HIRA: variants seen among roughly 807,000 people sequenced by gnomAD.
The protein encoded by HIRA is histone cell cycle regulator, also known as protein HIRA.
A neutral mutation model predicts 126.6 loss-of-function variants in HIRA; 13 were observed. The ratio of observed to expected loss-of-function variants is 0.10; its 90% CI spans 0.07 to 0.16. The LOEUF (loss-of-function observed/expected upper bound fraction) is 0.16, where lower values mean the gene tolerates loss of function less well. Among genes scored for constraint, HIRA ranks in the 10% least tolerant of loss-of-function variants. HIRA has a pLI of 1.00. For missense variants in HIRA, 834 were observed against 1,314.4 expected (o/e 0.63, Z 5.65); for synonymous variants, 511 against 520.0 (o/e 0.98, Z 0.24).
At chr22:19,425,964 C>A (rs1235087727) in intron 1 of HIRA, among the ~76,000 whole-genome samples, 1 of 152,082 alleles carries the variant, frequency 6.6e-6, no homozygotes, top group Non-Finnish European at 1.5e-5. Flanking sequence ...TGAGCTGAGA[C>A]CATGCCACTG....
intron 1 of HIRA, among the ~76,000 whole-genome samples, chr22:19,429,319 G>A (rs1403490227): frequency 1.3e-5 from 2 of 151,874 alleles, no homozygotes; most frequent in Non-Finnish European, 2.9e-5. Flanking sequence ...TGTATTTTTA[G>A]TAGAGACGGG....
chr22:19,371,480 A>C (rs1317754904), intron 15 of HIRA, among the ~76,000 whole-genome samples: 1 of 151,860 alleles, frequency 6.6e-6, no homozygotes, highest in Non-Finnish European at 1.5e-5. Context: ...TTTTATTGAG[A>C]TATATATATC....
chr22:19,332,224 A>C (rs1028047434), intron 24 of HIRA, among the ~76,000 whole-genome samples: 54 of 152,202 alleles, frequency 3.5e-4, no homozygotes, highest in African/African-American at 1.3e-3. Flanking sequence ...GACAACTTTA[A>C]CACTGGACGA....
intron 5 of HIRA, 76 bp from the exon 6 acceptor site, chr22:19,398,163 T>A: frequency 3.0e-6 from 3 of 1,006,498 alleles, no homozygotes; most frequent in Non-Finnish European, 4.6e-6. Context: ...CCAGTGCCCC[T>A]GGGACCTGGG....
At chr22:19,338,807 A>G (rs779411932) in intron 24 of HIRA, among the ~76,000 whole-genome samples, 4 of 152,226 alleles carry the variant, frequency 2.6e-5, no homozygotes, top group Non-Finnish European at 4.4e-5. Flanking sequence ...GGGAGCTCCC[A>G]AATTTATAAA....
rs559667688 is a variant in HIRA, at chr22:19,337,150, G to A, written c.2938-5594C>T. Among the ~76,000 whole-genome samples the A allele has an allele frequency of 3.7e-4, 56 of 151,884 alleles. 1 individual carries two copies. In the South Asian group the frequency reaches 0.011, roughly 31 times the overall value. On this transcript the variant is annotated intron_variant, in intron 24 of 24. Transcript: ENST00000263208. ...CTCGCTCTGTTGTCCAGGCTGGAGT[G>A]CAGTGGCGTGATCTCTGAATTGCCA... is the stretch of plus-strand genomic sequence containing the variant.
intron 24 of HIRA, among the ~76,000 whole-genome samples, chr22:19,345,132 G>A (rs1267556425): frequency 1.3e-5 from 2 of 152,160 alleles, no homozygotes; most frequent in Non-Finnish European, 2.9e-5. Context: ...GTCCTAGACA[G>A]ATCAATTAGG....
chr22:19,405,199 C>T (rs990076960), intron 5 of HIRA, among the ~76,000 whole-genome samples: 4 of 152,174 alleles, frequency 2.6e-5, no homozygotes, highest in Non-Finnish European at 4.4e-5. Flanking sequence ...CTGTACCACC[C>T]TGCCTGGAAA....
rs1001143381 is a variant in HIRA, at chr22:19,353,989, C to T, written c.2684+7G>A. The T allele has an allele frequency of 3.1e-6, 5 of 1,612,652 alleles. No individual in the cohort carries two copies. Among genetic ancestry groups the T allele is most frequent in the Non-Finnish European group, 4.2e-6 (5 of 1,179,520 alleles). ...AGGACAGTGGCCATGGCATTCAGGT[C>T]ACGTACTTGGAGGTGCGGCCCTGGA... On this transcript the variant is annotated splice_region_variant and intron_variant, in intron 22 of 24. Coordinates refer to ENST00000263208, the MANE Select transcript of HIRA (RefSeq NM_003325.4).
At chr22:19,405,739 A>C in intron 5 of HIRA, 47 bp downstream of exon 5, 1 of 1,294,028 alleles carries the variant, frequency 7.7e-7, no homozygotes, top group Non-Finnish European at 1.0e-6. Context: ...TGCTGATCTG[A>C]GCCAGGTGTC....
intron 1 of HIRA, among the ~76,000 whole-genome samples, chr22:19,424,515 A>ACAAGCTC (rs1216998543): frequency 5.9e-5 from 9 of 152,240 alleles, no homozygotes; most frequent in African/African-American, 2.2e-4. Context: ...CAGTCAGAGG[A>ACAAGCTC]CAAGCTCCAG....
chr22:19,412,247 T>C (rs1282882679), intron 1 of HIRA, among the ~76,000 whole-genome samples: 2 of 152,078 alleles, frequency 1.3e-5, no homozygotes, highest in Non-Finnish European at 2.9e-5. Flanking sequence ...ATGTAGAGCA[T>C]CAAAGAGCCC....
rs189706544 is a variant in HIRA, at chr22:19,364,460, G to A, written c.1776-2529C>T. 1.6e-4 allele frequency among the ~76,000 whole-genome samples: 24 copies of A among 152,166 alleles called. No homozygotes were observed. The East Asian group carries it at 4.4e-3, about 28-fold the overall frequency. On this transcript the variant is annotated intron_variant, in intron 15 of 24. Coordinates refer to ENST00000263208, the MANE Select transcript of HIRA (RefSeq NM_003325.4). ...CCCTGCATCAAGCAAGTCTATTGGCGCCATTTCCCCAACAGCAGGTGCTCA... is the reference window on the plus strand; with the variant it reads ...CCCTGCATCAAGCAAGTCTATTGGCACCATTTCCCCAACAGCAGGTGCTCA...
Position 19,407,307 on chromosome 22 carries a change from C to G in HIRA, c.212-33G>C, listed in dbSNP as rs200620005. 2,244 of 1,542,014 alleles carry G rather than the reference C, an allele frequency of 1.5e-3. 2 individuals are homozygous for G. Among genetic ancestry groups the G allele is most frequent in the Non-Finnish European group, 1.8e-3 (2,046 of 1,115,512 alleles). ...GAAAAAAAAATAAGGTGATGAAAATCCAGTAGTCATGCCCATTTGCTTTAT... is the reference window on the plus strand; with the variant it reads ...GAAAAAAAAATAAGGTGATGAAAATGCAGTAGTCATGCCCATTTGCTTTAT... On this transcript the variant is annotated intron_variant, in intron 3 of 24. Transcript: ENST00000263208.
At chr22:19,410,622 T>C (rs780555606) in intron 2 of HIRA, 94 bp downstream of exon 2, 19 of 860,882 alleles carry the variant, frequency 2.2e-5, no homozygotes, top group South Asian at 4.3e-5. Flanking sequence ...TCCTGAAAAA[T>C]AGCAAGTATT....
chr22:19,378,364 A>C (rs2089038934), intron 13 of HIRA, among the ~76,000 whole-genome samples: 1 of 152,244 alleles, frequency 6.6e-6, no homozygotes, highest in African/African-American at 2.4e-5. Context: ...GTGCAAACAC[A>C]TGTCTTAGGA....
In HIRA at chr22:19,351,423, T is replaced by A. The variant is rs1556010848; in HGVS notation, c.2872A>T (p.Ile958Leu). 1 of 1,613,726 alleles carries A rather than the reference T, an allele frequency of 6.2e-7. No individual in the cohort carries two copies. Among genetic ancestry groups the A allele is most frequent in the South Asian group, 1.1e-5 (1 of 90,962 alleles). The change falls in exon 24 of 25, where the codon ATA (isoleucine) becomes TTA (leucine). Residue 958 changes from isoleucine to leucine, a missense_variant. Physicochemically the swap from Ile to Leu is conservative, Grantham distance 5. Coordinates refer to ENST00000263208, the MANE Select transcript of HIRA (RefSeq NM_003325.4). This position sits in a 1 kb window ranked among gnomAD's most constrained non-coding sequence, Gnocchi z 4.8. ...NEGFEYRLRE[I>L]CKDLLGPVHY... ...ACCGGACCCAGTAAGTCCTTGCATA[T>A]TTCTCGAAGTCGGTATTCAAACCCT...
chr22:19,423,993 A>G (rs1041102278), intron 1 of HIRA, among the ~76,000 whole-genome samples: 1 of 152,198 alleles, frequency 6.6e-6, no homozygotes, highest in Non-Finnish European at 1.5e-5. Context: ...GTTTATTTGC[A>G]GTACATCAAC....
At chr22:19,375,052 C>G (rs2089004813) in intron 15 of HIRA, among the ~76,000 whole-genome samples, 2 of 152,194 alleles carry the variant, frequency 1.3e-5, no homozygotes, top group African/African-American at 2.4e-5. Context: ...CAGGAGGATG[C>G]ACTACTGCAA....
Sources: allele counts gnomAD v4.1 joint callset (sites outside exome capture counted in the v4.1 genomes callset), GRCh38; gene constraint gnomAD v4.1.1; non-coding constraint Gnocchi (gnomAD v3.1); transcripts MANE v1.5; gene names NCBI Gene and HGNC (gene_info 2026-07-23, HGNC 2026-07-21).